Variants in NT5C1B observed in about 807,000 individuals in gnomAD.
NT5C1B encodes cytosolic 5'-nucleotidase 1B.
NT5C1B carries 44 observed loss-of-function variants against 57.8 expected under a neutral mutation model. The ratio of observed to expected loss-of-function variants is 0.76; its 90% CI spans 0.60 to 0.98. NT5C1B has a LOEUF of 0.98. Among genes scored for constraint, NT5C1B ranks in the 50% least tolerant of loss-of-function variants. The pLI is 0.00. For synonymous variants in NT5C1B, 284 were observed against 282.6 expected (o/e 1.00, Z -0.05); for missense variants, 742 against 719.5 (o/e 1.03, Z -0.36).
rs184095705 is a variant in NT5C1B, at chr2:18,583,948, C to T, written c.891+140G>A. The T allele has an allele frequency of 4.5e-5, 66 of 1,474,990 alleles. 2 individuals carry two copies. In the African/African-American group the frequency reaches 8.0e-4, roughly 18 times the overall value. The allele number at this position is 1,474,990 out of a possible 1,614,324, so 91.4% of individuals were successfully genotyped here. On this transcript the variant is annotated intron_variant, in intron 5 of 8. Coordinates refer to ENST00000304081, the Ensembl canonical transcript of NT5C1B. ...AGCCTGTGCGAAATCATAAACTGAC[C>T]TGGGTCAGCTAGAAGGAGACAAGAA...
intron 6 of NT5C1B, among the ~76,000 whole-genome samples, chr2:18,581,529 A>C (rs934653428): frequency 3.9e-5 from 6 of 152,128 alleles, no homozygotes; most frequent in African/African-American, 1.4e-4. Flanking sequence ...TGTATGGACC[A>C]AGAGAGTAGG....
intron 8 of NT5C1B, among the ~76,000 whole-genome samples, chr2:18,574,969 A>G (rs1394829921): frequency 2.0e-5 from 3 of 152,046 alleles, no homozygotes; most frequent in South Asian, 4.1e-4. Flanking sequence ...AAAATTAAAT[A>G]TAACTCAATA....
At chr2:18,586,782 G>T in intron 2 of NT5C1B, 3 of 803,348 alleles carry the variant, frequency 3.7e-6, no homozygotes, top group Non-Finnish European at 3.8e-6. Context: ...GACTGTAAAG[G>T]TGAGGGCAAC....
At chr2:18,579,716 C>A (rs986976431) in intron 6 of NT5C1B, among the ~76,000 whole-genome samples, 9 of 152,046 alleles carry the variant, frequency 5.9e-5, no homozygotes, top group African/African-American at 2.2e-4. Flanking sequence ...CCATTCTGGA[C>A]AGGCTTTGGC....
chr2:18,571,258 A>G (rs925639423), intron 8 of NT5C1B, among the ~76,000 whole-genome samples: 25 of 152,084 alleles, frequency 1.6e-4, no homozygotes, highest in Non-Finnish European at 1.2e-4. Flanking sequence ...CACAGTCAAC[A>G]TTATTGTTGA....
chr2:18,587,713 A>T lies in NT5C1B; in HGVS notation c.31-121T>A. On this transcript the variant is annotated intron_variant, in intron 1 of 8. Coordinates refer to ENST00000304081, the Ensembl canonical transcript of NT5C1B. ...TATTTATTTGCCAATATAAAAAGGTATAAACTCTAGACCTTAGTTTCCCCT... is the reference window on the plus strand; with the variant it reads ...TATTTATTTGCCAATATAAAAAGGTTTAAACTCTAGACCTTAGTTTCCCCT... 4 of 1,145,062 alleles carry T rather than the reference A, an allele frequency of 3.5e-6. No homozygotes were observed. In the South Asian group the frequency reaches 6.5e-5, roughly 19 times the overall value. The allele number at this position is 1,145,062 out of a possible 1,614,324, so 70.9% of individuals were successfully genotyped here.
intron 2 of NT5C1B, chr2:18,586,834 C>G (rs1209655937): frequency 2.2e-6 from 3 of 1,348,132 alleles, no homozygotes; most frequent in Non-Finnish European, 3.0e-6. Context: ...AAGGCAGCTG[C>G]TGAAAAGGAA....
At position 18,584,248 on chromosome 2, in the gene NT5C1B, G is replaced by A. The variant is rs527501686; in HGVS notation, c.731C>T (p.Pro244Leu). Residue 244 changes from proline to leucine, a missense_variant, in exon 5 of 9, where the codon CCC becomes CTC. By Grantham distance (98) the Pro-to-Leu change is moderately conservative. Coordinates refer to ENST00000304081, the Ensembl canonical transcript of NT5C1B. The surrounding 1 kb of genome is among the most constrained non-coding windows in gnomAD (Gnocchi z 5.8). ...GAGAGCAATGGTGATGGCGTTCTTG[G>A]GTTTGGGCTGCAGAGAGGGACGCCA... 1 of 1,613,534 alleles carries A rather than the reference G, an allele frequency of 6.2e-7. No individual in the cohort carries two copies. The highest frequency in any genetic ancestry group is 2.2e-5 in the East Asian group (1 of 44,852).
At chr2:18,587,136 C>G (rs1375314868) in intron 2 of NT5C1B, 4 of 1,614,000 alleles carry the variant, frequency 2.5e-6, no homozygotes, top group Non-Finnish European at 3.4e-6. Context: ...GAAGGGGCAA[C>G]ATCTCAGCGA....
At chr2:18,585,008 G>T in intron 3 of NT5C1B, 30 bp from the exon 4 acceptor site, 1 of 1,576,214 alleles carries the variant, frequency 6.3e-7, no homozygotes, top group Non-Finnish European at 8.6e-7. Flanking sequence ...GTCTGAAGTC[G>T]AGGCCTGCCT....
intron 8 of NT5C1B, among the ~76,000 whole-genome samples, chr2:18,575,311 A>G (rs1190093991): frequency 2.0e-5 from 3 of 152,090 alleles, no homozygotes; most frequent in Non-Finnish European, 4.4e-5. Flanking sequence ...ATGAAGTTGA[A>G]CACACACTCC....
At chr2:18,583,641 A>C (rs577617999) in intron 5 of NT5C1B, 5 of 356,542 alleles carry the variant, frequency 1.4e-5, no homozygotes, top group South Asian at 1.1e-4. Flanking sequence ...AGTTCAGAGA[A>C]CCTTACCTTC....
rs1666455498 is a variant in NT5C1B at position 18,584,227 on chromosome 2, G to A, written c.752C>T (p.Ala251Val). The A allele has an allele frequency of 1.9e-6, 3 of 1,614,012 alleles. No individual in the cohort carries two copies. Among genetic ancestry groups the A allele is most frequent in the Non-Finnish European group, 2.5e-6 (3 of 1,179,994 alleles). Residue 251 changes from alanine (A) to valine (V), a missense_variant, in exon 5 of 9, where the codon GCT (alanine) becomes GTT (valine). Coordinates refer to ENST00000304081, the Ensembl canonical transcript of NT5C1B. The surrounding 1 kb of genome is among the most constrained non-coding windows in gnomAD (Gnocchi z 5.8). ...GTTGAAGAGCGCGCAGGATGAGAGA[G>A]CAATGGTGATGGCGTTCTTGGGTTT...
rs984994704 is a variant in NT5C1B at position 18,584,738 on chromosome 2, T to G, written c.499A>C (p.Thr167Pro). The change falls in exon 4 of 9, where the codon ACC (threonine) becomes CCC (proline). Residue 167 changes from threonine to proline, a missense_variant. Physicochemically the swap from Thr to Pro is conservative, Grantham distance 38. Coordinates refer to ENST00000304081, the Ensembl canonical transcript of NT5C1B. The surrounding 1 kb of genome is among the most constrained non-coding windows in gnomAD (Gnocchi z 5.8). ...TATTCCAGCGGCTGCGAGTCCCGGG[T>G]CTGGCGGATTTCCCGCACGATGCCT... 4 of 1,613,228 alleles carry G rather than the reference T, an allele frequency of 2.5e-6. No individual in the cohort carries two copies. The African/African-American group carries it at 4.0e-5, about 16-fold the overall frequency.
exon 3 of NT5C1B, chr2:18,586,361 C>T (rs757080474): frequency 6.2e-7 from 1 of 1,614,124 alleles, no homozygotes; most frequent in Non-Finnish European, 8.5e-7. Flanking sequence ...CCTCGAGAGT[C>T]TGTCTTCCGC....
At chr2:18,581,638 A>C (rs574359249) in intron 6 of NT5C1B, among the ~76,000 whole-genome samples, 1 of 152,270 alleles carries the variant, frequency 6.6e-6, no homozygotes, top group African/African-American at 2.4e-5. Flanking sequence ...GTGGCACAAA[A>C]GTGTATTCTA....
chr2:18,570,054 T>C (rs1665011410), intron 8 of NT5C1B, among the ~76,000 whole-genome samples: 1 of 152,086 alleles, frequency 6.6e-6, no homozygotes, highest in African/African-American at 2.4e-5. Context: ...TAGAAAGATA[T>C]CTGAATAAAC....
At chr2:18,565,422 T>A (rs1419427970) in intron 8 of NT5C1B, among the ~76,000 whole-genome samples, 1 of 152,190 alleles carries the variant, frequency 6.6e-6, no homozygotes, top group Admixed American at 6.5e-5. Context: ...ACTATATATC[T>A]ATTTCCTCTG....
intron 5 of NT5C1B, chr2:18,583,857 A>T (rs1312884183): frequency 1.4e-6 from 1 of 717,926 alleles, no homozygotes; most frequent in East Asian, 2.9e-5. Context: ...TTAGGACTTC[A>T]CTTAGGGAAG....
Sources: allele counts gnomAD v4.1 joint callset (sites outside exome capture counted in the v4.1 genomes callset), GRCh38; gene constraint gnomAD v4.1.1; non-coding constraint Gnocchi (gnomAD v3.1); transcripts MANE v1.5; gene names NCBI Gene and HGNC (gene_info 2026-07-23, HGNC 2026-07-21).